Variants in NAGS observed in about 807,000 individuals in gnomAD.
The protein encoded by NAGS is N-acetylglutamate synthase.
Under a neutral mutation model 46.9 loss-of-function variants are expected in NAGS, and 34 were observed. The observed-to-expected ratio is 0.72, with a 90% CI of 0.55 to 0.97. The LOEUF (loss-of-function observed/expected upper bound fraction) is 0.97. Ranked by LOEUF, NAGS falls within the 50% of genes least tolerant of loss-of-function variation. The pLI, the probability that NAGS is intolerant of heterozygous loss-of-function variation, is 0.00. For synonymous variants in NAGS, 334 were observed against 346.3 expected, an observed-to-expected ratio of 0.96 and a Z score of 0.39; for missense variants, 665 against 747.0, an observed-to-expected ratio of 0.89 and a Z score of 1.28.
In NAGS at chr17:44,007,430, A is replaced by C. The variant is rs984226051; in HGVS notation, c.1204A>C (p.Lys402Gln). 22 of 1,613,772 alleles carry C rather than the reference A, an allele frequency of 1.4e-5. No individual in the cohort carries two copies. The highest frequency in any genetic ancestry group is 1.8e-5 in the Non-Finnish European group (21 of 1,180,006). ...VDLVNASFGK[K>Q]LRDDYLASLR... is the part of the protein sequence containing the mutation. ...CCTGGTCAACGCCAGCTTCGGCAAG[A>C]AGCTCAGGGACGACTACCTGGCCTC... is the stretch of plus-strand genomic sequence containing the variant. Residue 402 changes from lysine (K) to glutamine (Q), a missense_variant, in exon 5 of 7, where the codon AAG (lysine) becomes CAG (glutamine). Physicochemically the swap from Lys to Gln is moderately conservative, Grantham distance 53. Transcript: ENST00000293404. This position sits in a 1 kb window ranked among gnomAD's most constrained non-coding sequence, Gnocchi z 5.1.
At position 44,006,470 on chromosome 17, in the gene NAGS, G is replaced by A. The variant is rs2049092794; in HGVS notation, c.916-59G>A. 1 of 1,542,942 alleles carries A rather than the reference G, an allele frequency of 6.5e-7. No homozygotes were observed. Among genetic ancestry groups the A allele is most frequent in the Non-Finnish European group, 8.7e-7 (1 of 1,143,120 alleles). On this transcript the variant is annotated intron_variant, in intron 3 of 6. Coordinates refer to ENST00000293404, the MANE Select transcript of NAGS (RefSeq NM_153006.3). The surrounding 1 kb of genome is among the most constrained non-coding windows in gnomAD (Gnocchi z 4.8). The stretch of plus-strand genomic sequence containing the variant: ...GTCAGAGAAAAGAGAGGTCCGTGGG[G>A]GTAGGGGGGCAGTCCGTGCCGGCTG...
At position 44,006,451 on chromosome 17, in the gene NAGS, G is replaced by C; in HGVS notation, c.916-78G>C. ...CGGAAGTAAGGATAAAGGGGTCAGA[G>C]AAAAGAGAGGTCCGTGGGGGTAGGG... is the stretch of plus-strand genomic sequence containing the variant. On this transcript the variant is annotated intron_variant, in intron 3 of 6. Coordinates refer to ENST00000293404, the MANE Select transcript of NAGS (RefSeq NM_153006.3). The surrounding 1 kb of genome is among the most constrained non-coding windows in gnomAD (Gnocchi z 4.8). 1 of 1,537,490 alleles carries C rather than the reference G, an allele frequency of 6.5e-7. No individual in the cohort carries two copies. The highest frequency in any genetic ancestry group is 8.8e-7 in the Non-Finnish European group (1 of 1,139,398).
In NAGS at chr17:44,007,078, C is replaced by A; in HGVS notation, c.1097-245C>A. On this transcript the variant is annotated intron_variant, in intron 4 of 6. Coordinates refer to ENST00000293404, the MANE Select transcript of NAGS (RefSeq NM_153006.3). This position sits in a 1 kb window ranked among gnomAD's most constrained non-coding sequence, Gnocchi z 5.1. ...GGGAGACAGACTTCAAGGAGCGAGG[C>A]AAGACTAACGGAAGTGGGTGGGGCT... 1.7e-6 allele frequency: 1 copy of A among 592,856 alleles called. No individual in the cohort carries two copies. The highest frequency in any genetic ancestry group is 3.0e-6 in the Non-Finnish European group (1 of 335,286). The allele number at this position is 592,856 out of a possible 1,614,324, so 36.7% of individuals were successfully genotyped here.
chr17:44,008,480 A>G lies in NAGS; in HGVS notation c.1484A>G (p.Asn495Ser), dbSNP rs767312317. The stretch of plus-strand genomic sequence containing the variant: ...AAACACAGTGATGGCAGCTTCTCCA[A>G]CAAGCAGTGGATCTTCTTCTGGTTT... ...YFKHSDGSFS[N>S]KQWIFFWFGL... The change falls in exon 7 of 7, where the codon AAC becomes AGC. Residue 495 changes from asparagine (N) to serine (S), a missense_variant. By Grantham distance (46) the Asn-to-Ser change is conservative. Transcript: ENST00000293404. 3.7e-6 allele frequency: 6 copies of G among 1,614,086 alleles called. No homozygotes were observed. In the African/African-American group the frequency reaches 5.3e-5, roughly 14 times the overall value.
Position 44,007,557 on chromosome 17 carries a change from GAGGTCCC to G in NAGS, c.1269-31_1269-25del. ...CAGTCGGGCAGCTTCGGACCAAGGAGAGGTCCCAGCCTGCCGCTCTCCCGCTGCGCCA... is the reference window on the plus strand; with the variant it reads ...CAGTCGGGCAGCTTCGGACCAAGGAGAGCCTGCCGCTCTCCCGCTGCGCCA... On this transcript the variant is annotated intron_variant, in intron 5 of 6. Transcript: ENST00000293404. This position sits in a 1 kb window ranked among gnomAD's most constrained non-coding sequence, Gnocchi z 5.1. The G allele has an allele frequency of 6.2e-7, 1 of 1,611,908 alleles. No homozygotes were observed. The highest frequency in any genetic ancestry group is 8.5e-7 in the Non-Finnish European group (1 of 1,179,360).
rs749824115 is a variant in NAGS, at chr17:44,006,260, C to A, written c.915+23C>A. ...AAGGTGCGGCCCTTTCTTTCACCTT[C>A]CCCCACGCCGGCGATCCGGGCCTTC... On this transcript the variant is annotated intron_variant, in intron 3 of 6. Transcript: ENST00000293404. The surrounding 1 kb of genome is among the most constrained non-coding windows in gnomAD (Gnocchi z 4.8). The A allele has an allele frequency of 3.7e-6, 6 of 1,610,348 alleles. No homozygotes were observed. The highest frequency in any genetic ancestry group is 1.6e-4 in the Middle Eastern group (1 of 6,068).
rs757154321 is a variant in NAGS at position 44,005,949 on chromosome 17, C to T, written c.701+38C>T. ...CCTGCCCGCCCAGGCGTCCTCAGAG[C>T]GTGCTACTCTGCCCGCCCTGCCCCG... On this transcript the variant is annotated intron_variant, in intron 2 of 6. Transcript: ENST00000293404. The surrounding 1 kb of genome is among the most constrained non-coding windows in gnomAD (Gnocchi z 7.2). 17 of 1,550,242 alleles carry T rather than the reference C, an allele frequency of 1.1e-5. No individual in the cohort carries two copies. The highest frequency in any genetic ancestry group is 1.4e-5 in the Non-Finnish European group (16 of 1,151,980).
In NAGS at chr17:44,004,916, A is replaced by C; in HGVS notation, c.253A>C (p.Arg85=). ...AEEPSWVPSP[R]PPVPHESPEP... is the part of the protein sequence containing the mutation. ...GGAGCCGTCGTGGGTGCCGAGTCCC[A>C]GGCCCCCGGTGCCCCACGAGTCCCC... Residue 85 remains arginine, a synonymous_variant, in exon 1 of 7, where the codon AGG becomes CGG. Coordinates refer to ENST00000293404, the MANE Select transcript of NAGS (RefSeq NM_153006.3). 1.3e-6 allele frequency: 2 copies of C among 1,534,896 alleles called. No individual in the cohort carries two copies. The highest frequency in any genetic ancestry group is 1.7e-6 in the Non-Finnish European group (2 of 1,146,400).
chr17:44,007,236 C>T lies in NAGS; in HGVS notation c.1097-87C>T. 1 of 1,299,280 alleles carries T rather than the reference C, an allele frequency of 7.7e-7. No homozygotes were observed. The highest frequency in any genetic ancestry group is 1.3e-5 in the South Asian group (1 of 76,274). The allele number at this position is 1,299,280 out of a possible 1,614,324, so 80.5% of individuals were successfully genotyped here. A position where few individuals can be genotyped will look rare whatever the true frequency, so the allele number is the denominator to read the frequency against. On this transcript the variant is annotated intron_variant, in intron 4 of 6. Coordinates refer to ENST00000293404, the MANE Select transcript of NAGS (RefSeq NM_153006.3). This position sits in a 1 kb window ranked among gnomAD's most constrained non-coding sequence, Gnocchi z 5.1. ...GAGGTCTCCCAAAGACGGAAATTGTCCCACCAGCGCCTGTCCTACCTGCAG... is the reference window on the plus strand; with the variant it reads ...GAGGTCTCCCAAAGACGGAAATTGTTCCACCAGCGCCTGTCCTACCTGCAG...
chr17:44,006,359 G>A lies in NAGS; in HGVS notation c.915+122G>A. On this transcript the variant is annotated intron_variant, in intron 3 of 6. Coordinates refer to ENST00000293404, the MANE Select transcript of NAGS (RefSeq NM_153006.3). The surrounding 1 kb of genome is among the most constrained non-coding windows in gnomAD (Gnocchi z 4.8). ...AGCCGGGTGGGTAGAAAAGCCTAAG[G>A]GAGTATAGGGGAGGAGTTCAGCCCT... 15 of 1,450,830 alleles carry A rather than the reference G, an allele frequency of 1.0e-5. No homozygotes were observed. Among genetic ancestry groups the A allele is most frequent in the Non-Finnish European group, 1.4e-5 (15 of 1,058,518 alleles). The allele number at this position is 1,450,830 out of a possible 1,614,324, so 89.9% of individuals were successfully genotyped here.
At position 44,007,003 on chromosome 17, in the gene NAGS, T is replaced by G. The variant is rs918322610; in HGVS notation, c.1096+294T>G. 2.0e-4 allele frequency: 94 copies of G among 459,488 alleles called. No individual in the cohort carries two copies. The highest frequency in any genetic ancestry group is 1.2e-3 in the African/African-American group (58 of 48,094). 28.5% of individuals were successfully genotyped at this position (459,488 alleles called of 1,614,324 possible). A position where few individuals can be genotyped will look rare whatever the true frequency, so the allele number is the denominator to read the frequency against. ...AGGGGCGGGACCATAAGGGAGGTGTTCGACCGGGAGAGATGGGCGGGGCTT... is the reference window on the plus strand; with the variant it reads ...AGGGGCGGGACCATAAGGGAGGTGTGCGACCGGGAGAGATGGGCGGGGCTT... On this transcript the variant is annotated intron_variant, in intron 4 of 6. Coordinates refer to ENST00000293404, the MANE Select transcript of NAGS (RefSeq NM_153006.3). The surrounding 1 kb of genome is among the most constrained non-coding windows in gnomAD (Gnocchi z 5.1).
Position 44,006,765 on chromosome 17 carries a change from C to T in NAGS, c.1096+56C>T. On this transcript the variant is annotated intron_variant, in intron 4 of 6. Transcript: ENST00000293404. This position sits in a 1 kb window ranked among gnomAD's most constrained non-coding sequence, Gnocchi z 4.8. ...TCCCGGGAGTGAGTACTGGCCGGGG[C>T]TGGGTGTCTGCGGTCAGGAGGAGCG... 3 of 1,518,890 alleles carry T rather than the reference C, an allele frequency of 2.0e-6. No homozygotes were observed. The Admixed American group carries it at 5.5e-5, about 28-fold the overall frequency. The allele number at this position is 1,518,890 out of a possible 1,614,324, so 94.1% of individuals were successfully genotyped here. A position where few individuals can be genotyped will look rare whatever the true frequency, so the allele number is the denominator to read the frequency against.
rs1328996842 is a variant in NAGS, at chr17:44,006,027, C to A, written c.705C>A (p.Tyr235Ter). The A allele has an allele frequency of 6.3e-7, 1 of 1,599,430 alleles. No individual in the cohort carries two copies. The highest frequency in any genetic ancestry group is 8.5e-7 in the Non-Finnish European group (1 of 1,175,354). The change falls in exon 3 of 7, where the codon TAC (tyrosine) becomes TAA (stop). Residue 235 changes from tyrosine (Y) to a stop codon, truncating the protein, a stop_gained. Coordinates refer to ENST00000293404, the MANE Select transcript of NAGS (RefSeq NM_153006.3). LOFTEE classifies it high-confidence loss of function. The surrounding 1 kb of genome is among the most constrained non-coding windows in gnomAD (Gnocchi z 4.8). ...GAGCACCACGTCTGGCCCACAGCTACGGCGGCATCGTCTCGGTGGAGACAG... is the reference window on the plus strand; with the variant it reads ...GAGCACCACGTCTGGCCCACAGCTAAGGCGGCATCGTCTCGGTGGAGACAG... ...RAAEPAPHAS[Y>*]GGIVSVETDL...
rs552579976 is a variant in NAGS at position 44,005,483 on chromosome 17, G to C, written c.427-154G>C. Among the ~76,000 whole-genome samples the C allele has an allele frequency of 6.6e-6, 1 of 152,328 alleles. No individual in the cohort carries two copies. Among genetic ancestry groups the C allele is most frequent in the African/African-American group, 2.4e-5 (1 of 41,584 alleles). On this transcript the variant is annotated intron_variant, in intron 1 of 6. Coordinates refer to ENST00000293404, the MANE Select transcript of NAGS (RefSeq NM_153006.3). This position sits in a 1 kb window ranked among gnomAD's most constrained non-coding sequence, Gnocchi z 7.2. ...GACAAGGGAGTGGCAAGACCCAACGGGGCAAAGGGCGGAGCAGGTGGGCAC... is the reference window on the plus strand; with the variant it reads ...GACAAGGGAGTGGCAAGACCCAACGCGGCAAAGGGCGGAGCAGGTGGGCAC...
In NAGS at chr17:44,005,060, T is replaced by A; in HGVS notation, c.397T>A (p.Ser133Thr). ...CACGCAGTTCCAGACCTGCCATCAC[T>A]CCGCGGACAAGCCCTTCGCCGTCAT... Reference protein sequence around the residue: ...WLTQFQTCHHSADKPFAVIEV... With the variant: ...WLTQFQTCHHTADKPFAVIEV... Residue 133 changes from serine (S) to threonine (T), a missense_variant, in exon 1 of 7, where the codon TCC (serine) becomes ACC (threonine). Ser to Thr is a moderately conservative substitution (Grantham distance 58, BLOSUM62 1). Coordinates refer to ENST00000293404, the MANE Select transcript of NAGS (RefSeq NM_153006.3). This position sits in a 1 kb window ranked among gnomAD's most constrained non-coding sequence, Gnocchi z 7.2. 6.4e-7 allele frequency: 1 copy of A among 1,573,044 alleles called. No homozygotes were observed. The highest frequency in any genetic ancestry group is 2.3e-5 in the East Asian group (1 of 43,194).
Position 44,005,584 on chromosome 17 carries a change from G to A in NAGS, c.427-53G>A. 6.3e-7 allele frequency: 1 copy of A among 1,587,910 alleles called. No homozygotes were observed. Among genetic ancestry groups the A allele is most frequent in the Non-Finnish European group, 8.6e-7 (1 of 1,168,262 alleles). ...GACGGCCCTGCAGGCCAGGCTGTGG[G>A]AGCCAGCGGCTCAGGTCCGTGTCAC... is the stretch of plus-strand genomic sequence containing the variant. On this transcript the variant is annotated intron_variant, in intron 1 of 6. Coordinates refer to ENST00000293404, the MANE Select transcript of NAGS (RefSeq NM_153006.3). The surrounding 1 kb of genome is among the most constrained non-coding windows in gnomAD (Gnocchi z 7.2).
In NAGS at chr17:44,005,949, C is replaced by A. The variant is rs757154321; in HGVS notation, c.701+38C>A. On this transcript the variant is annotated intron_variant, in intron 2 of 6. Transcript: ENST00000293404. The surrounding 1 kb of genome is among the most constrained non-coding windows in gnomAD (Gnocchi z 7.2). ...CCTGCCCGCCCAGGCGTCCTCAGAG[C>A]GTGCTACTCTGCCCGCCCTGCCCCG... is the stretch of plus-strand genomic sequence containing the variant. 2 of 1,550,360 alleles carry A rather than the reference C, an allele frequency of 1.3e-6. No individual in the cohort carries two copies. Among genetic ancestry groups the A allele is most frequent in the Non-Finnish European group, 1.7e-6 (2 of 1,151,972 alleles).
chr17:44,005,162 G>T lies in NAGS; in HGVS notation c.426+73G>T, dbSNP rs1383485088. ...GTGCGGCCACCTGTCCTCAGGCATGGCAGGATACGCTGCGGGCTCTGCGCA... is the reference window on the plus strand; with the variant it reads ...GTGCGGCCACCTGTCCTCAGGCATGTCAGGATACGCTGCGGGCTCTGCGCA... On this transcript the variant is annotated intron_variant, in intron 1 of 6. Transcript: ENST00000293404. This position sits in a 1 kb window ranked among gnomAD's most constrained non-coding sequence, Gnocchi z 7.2. 12 of 1,500,592 alleles carry T rather than the reference G, an allele frequency of 8.0e-6. No homozygotes were observed. Among genetic ancestry groups the T allele is most frequent in the Admixed American group, 2.0e-5 (1 of 48,834 alleles). The allele number at this position is 1,500,592 out of a possible 1,614,324, so 93.0% of individuals were successfully genotyped here. A position where few individuals can be genotyped will look rare whatever the true frequency, so the allele number is the denominator to read the frequency against.
chr17:44,007,879 C>A lies in NAGS; in HGVS notation c.1451+106C>A. 1 of 1,132,130 alleles carries A rather than the reference C, an allele frequency of 8.8e-7. No individual in the cohort carries two copies. The highest frequency in any genetic ancestry group is 1.3e-6 in the Non-Finnish European group (1 of 768,646). 70.1% of individuals were successfully genotyped at this position (1,132,130 alleles called of 1,614,324 possible). ...CTGGGCTTCCTCTTCTTCCACTGGT[C>A]TCCCTTTCACTACCTCCCAGGGGCA... On this transcript the variant is annotated intron_variant, in intron 6 of 6. Coordinates refer to ENST00000293404, the MANE Select transcript of NAGS (RefSeq NM_153006.3). The surrounding 1 kb of genome is among the most constrained non-coding windows in gnomAD (Gnocchi z 5.1).
Sources: allele counts gnomAD v4.1 joint callset (sites outside exome capture counted in the v4.1 genomes callset), GRCh38; gene constraint gnomAD v4.1.1; non-coding constraint Gnocchi (gnomAD v3.1); transcripts MANE v1.5; gene names NCBI Gene and HGNC (gene_info 2026-07-23, HGNC 2026-07-21).